The following LINGO2 variants were observed in gnomAD, a reference collection of about 807,000 sequenced individuals.
LINGO2 encodes leucine rich repeat and Ig domain containing 2.
In LINGO2, 14 loss-of-function variants were observed where a neutral mutation model predicts 30.6. The ratio of observed to expected loss-of-function variants is 0.46; its 90% CI spans 0.30 to 0.72. The LOEUF is 0.72. Among genes scored for constraint, LINGO2 ranks in the 30% least tolerant of loss-of-function variants. LINGO2 has a pLI of 0.07. For synonymous variants in LINGO2, 317 were observed against 288.5 expected (o/e 1.10, Z -1.00); for missense variants, 729 against 751.7 (o/e 0.97, Z 0.35).
At chr9:28,318,307 T>C (rs1047410304) in intron 3 of LINGO2, among the ~76,000 whole-genome samples, 13 of 152,212 alleles carry the variant, frequency 8.5e-5, no homozygotes, top group Admixed American at 2.6e-4. Context: ...ATACAGATCA[T>C]GAACATCAAA....
the LINGO2 span, among the ~76,000 whole-genome samples, chr9:28,779,192 C>A: frequency 6.6e-6 from 1 of 152,112 alleles, no homozygotes. Flanking sequence ...TAATTTATTT[C>A]ATTTCTTTAA....
At chr9:28,615,259 A>G in intron 1 of LINGO2, among the ~76,000 whole-genome samples, 1 of 152,164 alleles carries the variant, frequency 6.6e-6, no homozygotes, top group East Asian at 1.9e-4. Context: ...AATGATATGT[A>G]CACTCTAAAT....
chr9:28,662,667 C>T (rs1269379775), intron 1 of LINGO2, among the ~76,000 whole-genome samples: 2 of 152,072 alleles, frequency 1.3e-5, no homozygotes, highest in African/African-American at 4.8e-5. Flanking sequence ...TCTTCATTTG[C>T]AGAATGGGGA....
the LINGO2 span, among the ~76,000 whole-genome samples, chr9:29,110,890 C>T: frequency 2.0e-5 from 3 of 151,594 alleles, no homozygotes; most frequent in South Asian, 4.2e-4. Flanking sequence ...GGAGTTTCAC[C>T]GTGTTCGCCC....
the LINGO2 span, among the ~76,000 whole-genome samples, chr9:29,106,483 T>C: frequency 6.6e-6 from 1 of 152,132 alleles, no homozygotes; most frequent in African/African-American, 2.4e-5. Context: ...GGAATTCTCT[T>C]ATAAATCGAA....
intron 4 of LINGO2, among the ~76,000 whole-genome samples, chr9:28,084,204 C>A (rs899155004): frequency 1.3e-5 from 2 of 152,102 alleles, no homozygotes; most frequent in Admixed American, 6.6e-5. Flanking sequence ...TAGGGTGTTT[C>A]ATTGTTTTAA....
the LINGO2 span, among the ~76,000 whole-genome samples, chr9:29,173,074 T>C: frequency 9.2e-5 from 14 of 152,076 alleles, no homozygotes; most frequent in African/African-American, 2.9e-4. Flanking sequence ...GTGATTCTAC[T>C]ATATTTCCAT....
At chr9:28,281,673 T>C (rs1823331633) in intron 4 of LINGO2, among the ~76,000 whole-genome samples, 1 of 152,064 alleles carries the variant, frequency 6.6e-6, no homozygotes, top group African/African-American at 2.4e-5. Flanking sequence ...AATAGAGATG[T>C]GGATAGCAGC....
intron 4 of LINGO2, among the ~76,000 whole-genome samples, chr9:28,204,742 C>A (rs1028286024): frequency 6.6e-6 from 1 of 152,106 alleles, no homozygotes; most frequent in Admixed American, 6.5e-5. Flanking sequence ...AAGGAGAGAC[C>A]ATTGAAATTG....
At chr9:28,080,623 T>C (rs1825747336) in intron 4 of LINGO2, 2 of 152,220 alleles carry the variant, frequency 1.3e-5, no homozygotes, top group East Asian at 1.9e-4. Context: ...TTTGTTTCTT[T>C]ATTGACTATC....
At position 28,061,485 on chromosome 9, in the gene LINGO2, C is replaced by T. The variant is rs115199076; in HGVS notation, c.-86-49080G>A. Among the ~76,000 whole-genome samples the T allele has an allele frequency of 2.3e-3, 352 of 151,988 alleles. 3 individuals are homozygous for T. The highest frequency in any genetic ancestry group is 0.019 in the South Asian group (91 of 4,798). On this transcript the variant is annotated intron_variant, in intron 4 of 5. Transcript: ENST00000379992. The stretch of plus-strand genomic sequence containing the variant: ...GAAATAGAGGAATGTAATAAAATAT[C>T]ATTCATCACCAGATTCTTTTTTTTT...
chr9:28,104,672 A>C (rs1826528743), intron 4 of LINGO2, among the ~76,000 whole-genome samples: 1 of 151,932 alleles, frequency 6.6e-6, no homozygotes, highest in Non-Finnish European at 1.5e-5. Context: ...TATGTTTTTT[A>C]CTAACTCTTT....
chr9:28,178,668 G>A (rs1439101990), intron 4 of LINGO2, among the ~76,000 whole-genome samples: 8 of 152,088 alleles, frequency 5.3e-5, no homozygotes, highest in Non-Finnish European at 4.4e-5. Flanking sequence ...GGTTTCTTTA[G>A]ACTGTGCATT....
At chr9:28,765,464 T>G in the LINGO2 span, among the ~76,000 whole-genome samples, 1 of 152,020 alleles carries the variant, frequency 6.6e-6, no homozygotes, top group African/African-American at 2.4e-5. Context: ...TGGGGCCTAG[T>G]GAGAGGTGTT....
the LINGO2 span, among the ~76,000 whole-genome samples, chr9:28,785,673 AAC>A: frequency 2.6e-5 from 2 of 75,910 alleles, no homozygotes; most frequent in Non-Finnish European, 5.9e-5. Flanking sequence ...TCTCTCCACA[AAC>A]ACACACACAC....
chr9:28,576,285 A>T (rs1823982795), intron 1 of LINGO2, among the ~76,000 whole-genome samples: 1 of 152,226 alleles, frequency 6.6e-6, no homozygotes, highest in South Asian at 2.1e-4. Context: ...ACGTATCATT[A>T]GACAGAGGAA....
At chr9:29,081,687 C>A in the LINGO2 span, among the ~76,000 whole-genome samples, 6 of 152,214 alleles carry the variant, frequency 3.9e-5, no homozygotes, top group African/African-American at 1.2e-4. Flanking sequence ...AAAACCCCAT[C>A]GTCTCAACTC....
the LINGO2 span, among the ~76,000 whole-genome samples, chr9:28,739,719 GT>G: frequency 2.0e-5 from 3 of 151,484 alleles, no homozygotes; most frequent in Admixed American, 2.0e-4. Flanking sequence ...AAATATAAGA[GT>G]TTTTTTCTGA....
At chr9:28,490,029 T>G (rs981410822) in intron 1 of LINGO2, among the ~76,000 whole-genome samples, 1 of 146,872 alleles carries the variant, frequency 6.8e-6, no homozygotes, top group African/African-American at 2.5e-5. Context: ...TGAATGAAAA[T>G]AAAATCAAAG....
Sources: gnomAD v4.1 joint callset for allele counts (sites outside exome capture counted in the v4.1 genomes callset) on GRCh38, gnomAD v4.1.1 for gene constraint, MANE v1.5 for transcripts, NCBI Gene and HGNC (gene_info 2026-07-23, HGNC 2026-07-21) for gene names.